The following APBA1 variants were observed in gnomAD, a reference collection of about 807,000 sequenced individuals.
The protein encoded by APBA1 is amyloid-beta A4 precursor protein-binding family A member 1.
APBA1 carries 55 observed loss-of-function variants against 86.6 expected under a neutral mutation model. That is an observed-to-expected ratio of 0.64 (90% CI 0.51 to 0.80). The LOEUF (loss-of-function observed/expected upper bound fraction) is 0.80. APBA1 is among the 30% of genes least tolerant of loss of function. The probability of loss-of-function intolerance (pLI) is 0.00; values close to 1 mark genes in which losing one functional copy is unlikely to be tolerated. For synonymous variants in APBA1, 511 were observed against 493.9 expected, an observed-to-expected ratio of 1.03 and a Z score of -0.46; for missense variants, 1,090 against 1,183.0, an observed-to-expected ratio of 0.92 and a Z score of 1.15.
Position 69,517,171 on chromosome 9 carries a change from C to T in APBA1, c.40G>A (p.Asp14Asn). 6.4e-7 allele frequency: 1 copy of T among 1,553,544 alleles called. No homozygotes were observed. Reference protein sequence around the residue: ...LEGSAEVEVTDEAAGGEVNES... With the variant: ...LEGSAEVEVTNEAAGGEVNES... ...TTCACCTCCCCACCTGCCGCCTCGT[C>T]GGTCACCTCCACCTCCGCAGACCCC... is the stretch of plus-strand genomic sequence containing the variant. Residue 14 changes from aspartate (D) to asparagine (N), a missense_variant, in exon 2 of 13, where the codon GAC becomes AAC. Around this residue, in one of 6 missense-constraint regions of APBA1, gnomAD observed 678 missense variants for 647.1 expected, o/e 1.05. Coordinates refer to ENST00000265381, the MANE Select transcript of APBA1 (RefSeq NM_001163.4).
In APBA1 at chr9:69,453,308, TCTGA is replaced by T. The variant is rs555515337; in HGVS notation, c.1789-1011_1789-1008del. 1.4e-4 allele frequency among the ~76,000 whole-genome samples: 21 copies of T among 152,304 alleles called. No homozygotes were observed. The East Asian group carries it at 2.9e-3, about 21-fold the overall frequency. On this transcript the variant is annotated intron_variant, in intron 8 of 12. Coordinates refer to ENST00000265381, the MANE Select transcript of APBA1 (RefSeq NM_001163.4). Reference sequence around the variant, plus strand: ...GGTTGGGTCTAACAGAGTTGAGAACTCTGACTGGTCCAACCCTGCATTTTCCAGT... The same window carrying T: ...GGTTGGGTCTAACAGAGTTGAGAACTCTGGTCCAACCCTGCATTTTCCAGT...
intron 2 of APBA1, among the ~76,000 whole-genome samples, chr9:69,481,653 G>A (rs571009147): frequency 0.077 from 11,548 of 150,198 alleles, 509 homozygotes; most frequent in African/African-American, 0.096. Context: ...AAAAGAGCCC[G>A]CATCGCCAAG....
intron 1 of APBA1, among the ~76,000 whole-genome samples, chr9:69,669,355 TAAC>T (rs1564108113): frequency 6.6e-6 from 1 of 151,580 alleles, no homozygotes; most frequent in Middle Eastern, 3.4e-3. Flanking sequence ...ACAAACACAA[TAAC>T]AACAAAACAA....
chr9:69,636,914 GGAAGGAAGGAAA>G (rs1325697349), intron 1 of APBA1, among the ~76,000 whole-genome samples: 29 of 98,758 alleles, frequency 2.9e-4, no homozygotes, highest in African/African-American at 1.1e-3. Context: ...AAGGAAGGAA[GGAAGGAAGGAAA>G]GAAAGAAAGA....
chr9:69,653,155 T>C (rs921964063), intron 1 of APBA1, among the ~76,000 whole-genome samples: 52 of 152,164 alleles, frequency 3.4e-4, no homozygotes, highest in African/African-American at 1.2e-3. Context: ...GGAGTAGTTA[T>C]ACCTATGTTA....
At position 69,500,795 on chromosome 9, in the gene APBA1, G is replaced by A. The variant is rs7043410; in HGVS notation, c.1200+15216C>T. 8.1e-3 allele frequency among the ~76,000 whole-genome samples: 1,236 copies of A among 152,146 alleles called. 26 individuals carry two copies. Among genetic ancestry groups the A allele is most frequent in the African/African-American group, 0.028 (1,167 of 41,508 alleles). ...AATCTATGTTTAAAGAGCGAAGCCCGGACTTTATCTAATCGGAATGTGACC... is the reference window on the plus strand; with the variant it reads ...AATCTATGTTTAAAGAGCGAAGCCCAGACTTTATCTAATCGGAATGTGACC... On this transcript the variant is annotated intron_variant, in intron 2 of 12. Transcript: ENST00000265381.
chr9:69,544,501 A>C (rs990064748), intron 1 of APBA1, among the ~76,000 whole-genome samples: 1 of 152,210 alleles, frequency 6.6e-6, no homozygotes, highest in African/African-American at 2.4e-5. Context: ...GAACTAATAA[A>C]ATAAAATTCA....
chr9:69,633,558 A>T (rs906501460), intron 1 of APBA1, among the ~76,000 whole-genome samples: 3 of 152,220 alleles, frequency 2.0e-5, no homozygotes, highest in African/African-American at 7.2e-5. Flanking sequence ...CTGACCTTTC[A>T]TTCAGGTAAA....
intron 1 of APBA1, among the ~76,000 whole-genome samples, chr9:69,596,956 C>A (rs1822241415): frequency 6.6e-6 from 1 of 152,170 alleles, no homozygotes; most frequent in Non-Finnish European, 1.5e-5. Context: ...CAGCTCCCAG[C>A]CATTTAGTGG....
intron 1 of APBA1, among the ~76,000 whole-genome samples, chr9:69,661,284 C>G (rs1823748246): frequency 6.6e-6 from 1 of 152,192 alleles, no homozygotes. Context: ...GAAAGAGACA[C>G]TAGCTATTAG....
At chr9:69,595,909 G>T (rs1822218069) in intron 1 of APBA1, among the ~76,000 whole-genome samples, 2 of 152,132 alleles carry the variant, frequency 1.3e-5, no homozygotes. Flanking sequence ...GGGAGGGAAG[G>T]CTGAACCAGT....
chr9:69,566,650 T>C (rs1837031040), intron 1 of APBA1, among the ~76,000 whole-genome samples: 1 of 152,074 alleles, frequency 6.6e-6, no homozygotes, highest in Non-Finnish European at 1.5e-5. Context: ...TCTGATCTGC[T>C]CTCCTAAAAC....
At chr9:69,471,292 A>C (rs948197784) in intron 4 of APBA1, among the ~76,000 whole-genome samples, 3 of 152,158 alleles carry the variant, frequency 2.0e-5, no homozygotes, top group Non-Finnish European at 4.4e-5. Context: ...GCCTTAGTTA[A>C]TGTTCATTCC....
At chr9:69,640,942 G>A (rs902373816) in intron 1 of APBA1, among the ~76,000 whole-genome samples, 4 of 112,742 alleles carry the variant, frequency 3.5e-5, no homozygotes, top group African/African-American at 7.9e-5. Flanking sequence ...GAGGGGAAAG[G>A]AGAGGGAGAA....
chr9:69,592,517 G>A (rs1208391429), intron 1 of APBA1, among the ~76,000 whole-genome samples: 5 of 152,314 alleles, frequency 3.3e-5, no homozygotes, highest in Non-Finnish European at 7.4e-5. Flanking sequence ...GATCCCTTGA[G>A]CCAGGAGTTC....
rs530975395 is a variant in APBA1 at position 69,651,815 on chromosome 9, C to T, written c.-70+20338G>A. On this transcript the variant is annotated intron_variant, in intron 1 of 12. Transcript: ENST00000265381. The stretch of plus-strand genomic sequence containing the variant: ...AACAAAATTGACTGCCAATTGATTA[C>T]TTTGTGTGTTGTTGAAGAGTTGGCA... Among the ~76,000 whole-genome samples, 9 of 152,322 alleles carry T rather than the reference C, an allele frequency of 5.9e-5. No individual in the cohort carries two copies. In the South Asian group the frequency reaches 1.9e-3, roughly 32 times the overall value.
chr9:69,577,221 C>T (rs936292388), intron 1 of APBA1, among the ~76,000 whole-genome samples: 7 of 152,190 alleles, frequency 4.6e-5, no homozygotes, highest in Admixed American at 3.9e-4. Flanking sequence ...AGAATTTACT[C>T]TTCCCTATCT....
chr9:69,456,251 T>A lies in APBA1; in HGVS notation c.1784A>T (p.Glu595Val). 1 of 1,614,198 alleles carries A rather than the reference T, an allele frequency of 6.2e-7. No homozygotes were observed. The highest frequency in any genetic ancestry group is 8.5e-7 in the Non-Finnish European group (1 of 1,180,040). Residue 595 changes from glutamate (E) to valine (V), a missense_variant, in exon 8 of 13, where the codon GAG (glutamate) becomes GTG (valine). Coordinates refer to ENST00000265381, the MANE Select transcript of APBA1 (RefSeq NM_001163.4). ...YKMICHVFES[E>V]DAQLIAQSIG... is the part of the protein sequence containing the mutation. ...ATCAAAGGAAGCAACCCTTACATCCTCAGACTCGAAGACGTGGCAGATCAT... is the reference window on the plus strand; with the variant it reads ...ATCAAAGGAAGCAACCCTTACATCCACAGACTCGAAGACGTGGCAGATCAT...
intron 4 of APBA1, among the ~76,000 whole-genome samples, chr9:69,468,283 G>T (rs534348691): frequency 6.6e-6 from 1 of 152,330 alleles, no homozygotes; most frequent in South Asian, 2.1e-4. Context: ...GCTCTTAGGG[G>T]ACAAGGACCA....
Sources: gnomAD v4.1 joint callset for allele counts (sites outside exome capture counted in the v4.1 genomes callset) on GRCh38, gnomAD v4.1.1 for gene constraint, gnomAD v4.1.1 regional missense constraint, MANE v1.5 for transcripts, NCBI Gene and HGNC (gene_info 2026-07-23, HGNC 2026-07-21) for gene names.